CD74: variants seen among roughly 807,000 people sequenced by gnomAD.
CD74 encodes the protein CD74 molecule.
CD74 carries 20 observed loss-of-function variants against 37.1 expected under a neutral mutation model. That is an observed-to-expected ratio of 0.54 (90% confidence interval 0.38 to 0.78). The LOEUF is 0.78. Among genes scored for constraint, CD74 ranks in the 30% least tolerant of loss-of-function variants. CD74 has a pLI of 0.00. For synonymous variants in CD74, 150 were observed against 152.0 expected (o/e 0.99, Z 0.10); for missense variants, 338 against 389.5 (o/e 0.87, Z 1.11).
chr5:150,411,092 C>T lies in CD74; in HGVS notation c.125+1533G>A, dbSNP rs187867153. On this transcript the variant is annotated intron_variant, in intron 1 of 8. Coordinates refer to ENST00000009530, the MANE Select transcript of CD74 (RefSeq NM_001025159.3). Reference sequence around the variant, plus strand: ...TGGGTAAGTCACTTACCAATATGACCTCAATTTCCTCTTCTGTAAAAAGGG... The same window carrying T: ...TGGGTAAGTCACTTACCAATATGACTTCAATTTCCTCTTCTGTAAAAAGGG... Among the ~76,000 whole-genome samples, 6 of 152,316 alleles carry T rather than the reference C, an allele frequency of 3.9e-5. No homozygotes were observed. The East Asian group carries it at 9.6e-4, about 24-fold the overall frequency.
chr5:150,407,223 C>G lies in CD74; in HGVS notation c.227G>C (p.Gly76Ala). The G allele has an allele frequency of 6.2e-7, 1 of 1,613,940 alleles. No homozygotes were observed. The highest frequency in any genetic ancestry group is 1.1e-5 in the South Asian group (1 of 91,060). Residue 76 changes from glycine to alanine, a missense_variant, in exon 2 of 9, where the codon GGC becomes GCC. By Grantham distance (60) the Gly-to-Ala change is moderately conservative (BLOSUM62 0). Transcript: ENST00000009530. This position sits in a 1 kb window ranked among gnomAD's most constrained non-coding sequence, Gnocchi z 4.4. ...TTAYFLYQQQ[G>A]RLDKLTVTSQ... ...GGTGACTGTCAGTTTGTCCAGCCGG[C>G]CCTGCTGCTGGTACAGGAAGTAGGC...
rs774859865 is a variant in CD74 at position 150,402,483 on chromosome 5, T to G, written c.880+80A>C. ...GTTGGAGAGTGGCCCAGCGTCACAC[T>G]CCTTCACCTGCCCACAAAGGAGCTG... On this transcript the variant is annotated intron_variant, in intron 8 of 8. Transcript: ENST00000009530. The surrounding 1 kb of genome is among the most constrained non-coding windows in gnomAD (Gnocchi z 4.2). 5.7e-6 allele frequency: 7 copies of G among 1,235,524 alleles called. No individual in the cohort carries two copies. The highest frequency in any genetic ancestry group is 8.4e-6 in the Non-Finnish European group (7 of 834,306). The allele number at this position is 1,235,524 out of a possible 1,614,324, so 76.5% of individuals were successfully genotyped here.
At chr5:150,404,208 ACT>A (rs1769808708) in intron 6 of CD74, among the ~76,000 whole-genome samples, 1 of 152,124 alleles carries the variant, frequency 6.6e-6, no homozygotes, top group Non-Finnish European at 1.5e-5. Context: ...TAGAAACAGC[ACT>A]CTGTCTTTGG....
intron 4 of CD74, chr5:150,406,023 G>C (rs1769939944): frequency 2.4e-6 from 1 of 410,454 alleles, no homozygotes; most frequent in Non-Finnish European, 4.6e-6. Context: ...TGCCTGCCTA[G>C]GCCTCCCAAA....
At position 150,403,179 on chromosome 5, in the gene CD74, GAC is replaced by G; in HGVS notation, c.757_758del (p.Val253LeufsTer17). On this transcript the variant is annotated frameshift_variant, in exon 7 of 9. Transcript: ENST00000009530. LOFTEE classifies it high-confidence loss of function. This position sits in a 1 kb window ranked among gnomAD's most constrained non-coding sequence, Gnocchi z 4.5. ...CYGSIGYCWC[V>X]FPNGTEVPNT... ...TGGGGACCTCCGTGCCGTTGGGGAAGACACACCAGCAGTAGCCGATGCTCCCA... is the reference window on the plus strand; with the variant it reads ...TGGGGACCTCCGTGCCGTTGGGGAAGACACCAGCAGTAGCCGATGCTCCCA... The G allele has an allele frequency of 6.2e-7, 1 of 1,614,056 alleles. No homozygotes were observed. The highest frequency in any genetic ancestry group is 8.5e-7 in the Non-Finnish European group (1 of 1,179,898).
intron 1 of CD74, among the ~76,000 whole-genome samples, chr5:150,408,656 T>TG (rs1414874956): frequency 2.0e-5 from 3 of 152,100 alleles, no homozygotes; most frequent in Admixed American, 6.5e-5. Context: ...TGGATGCGAC[T>TG]GGGGGGTGCA....
In CD74 at chr5:150,405,112, CTTAA is replaced by C; in HGVS notation, c.506_509del (p.Leu169ArgfsTer7). On this transcript the variant is annotated frameshift_variant, in exon 5 of 9. Coordinates refer to ENST00000009530, the MANE Select transcript of CD74 (RefSeq NM_001025159.3). LOFTEE classifies it high-confidence loss of function. ...TCCAGTCTATGGTCTCCATGGTGTTCTTAAGGTGTCTCAGGTTCTCCGGGAAGCT... is the reference window on the plus strand; with the variant it reads ...TCCAGTCTATGGTCTCCATGGTGTTCGGTGTCTCAGGTTCTCCGGGAAGCT... 1 of 1,611,694 alleles carries C rather than the reference CTTAA, an allele frequency of 6.2e-7. No individual in the cohort carries two copies.
rs1769644958 is a variant in CD74 at position 150,402,023 on chromosome 5, GT to G, written c.*216del. On this transcript the variant is annotated 3_prime_UTR_variant, in exon 9 of 9. Transcript: ENST00000009530. This position sits in a 1 kb window ranked among gnomAD's most constrained non-coding sequence, Gnocchi z 4.2. ...CCACTTCCTGGGACCTCACGCCCCT[GT>G]TGACAGATGGAGATTGGGCAGCAGG... The G allele has an allele frequency of 6.5e-7, 1 of 1,535,394 alleles. No individual in the cohort carries two copies. Among genetic ancestry groups the G allele is most frequent in the East Asian group, 2.4e-5 (1 of 40,912 alleles).
At chr5:150,405,032 T>G in intron 5 of CD74, 53 bp downstream of exon 5, 6 of 936,816 alleles carry the variant, frequency 6.4e-6, no homozygotes, top group Non-Finnish European at 8.1e-6. Flanking sequence ...CTCCTAGCCC[T>G]GCCCTAGACA....
At chr5:150,405,546 CA>C (rs1769906424) in intron 4 of CD74, 1 of 441,950 alleles carries the variant, frequency 2.3e-6, no homozygotes, top group East Asian at 1.1e-4. Flanking sequence ...TCTTTCTTCA[CA>C]AAGCCCCCTG....
At chr5:150,405,327 G>A in intron 4 of CD74, 147 bp from the exon 5 acceptor site, 2 of 1,363,612 alleles carry the variant, frequency 1.5e-6, no homozygotes, top group East Asian at 2.9e-5. Context: ...CAGCCATGAT[G>A]GGAGGGGAGG....
At position 150,403,731 on chromosome 5, in the gene CD74, T is replaced by G. The variant is rs1254548026; in HGVS notation, c.626-419A>C. Among the ~76,000 whole-genome samples the G allele has an allele frequency of 6.6e-6, 1 of 152,186 alleles. No homozygotes were observed. The highest frequency in any genetic ancestry group is 1.5e-5 in the Non-Finnish European group (1 of 68,034). On this transcript the variant is annotated intron_variant, in intron 6 of 8. Coordinates refer to ENST00000009530, the MANE Select transcript of CD74 (RefSeq NM_001025159.3). The surrounding 1 kb of genome is among the most constrained non-coding windows in gnomAD (Gnocchi z 4.5). Reference sequence around the variant, plus strand: ...AAAATTAGCTGGGCGTGGTGGCACATGCCTATAATCCCAGCTACTCGGGAG... The same window carrying G: ...AAAATTAGCTGGGCGTGGTGGCACAGGCCTATAATCCCAGCTACTCGGGAG...
At chr5:150,409,701 TAAC>T (rs1770216289) in intron 1 of CD74, among the ~76,000 whole-genome samples, 1 of 20,968 alleles carries the variant, frequency 4.8e-5, no homozygotes, top group Non-Finnish European at 1.1e-4. Flanking sequence ...TCAAAAAACA[TAAC>T]AAAAAAAAAA....
rs17111145 is a variant in CD74, at chr5:150,402,002, T to C, written c.*238A>G. 8,465 of 1,518,692 alleles carry C rather than the reference T, an allele frequency of 5.6e-3. 434 individuals are homozygous for C. In the African/African-American group the frequency reaches 0.1, roughly 18 times the overall value. 94.1% of individuals were successfully genotyped at this position (1,518,692 alleles called of 1,614,324 possible). A position where few individuals can be genotyped will look rare whatever the true frequency, so the allele number is the denominator to read the frequency against. ...GGGGATCTGTCTAGCTTTTGGCCAC[T>C]TCCTGGGACCTCACGCCCCTGTTGA... On this transcript the variant is annotated 3_prime_UTR_variant, in exon 9 of 9. Coordinates refer to ENST00000009530, the MANE Select transcript of CD74 (RefSeq NM_001025159.3). This position sits in a 1 kb window ranked among gnomAD's most constrained non-coding sequence, Gnocchi z 4.2.
In CD74 at chr5:150,405,203, G is replaced by C. The variant is rs764644581; in HGVS notation, c.442-23C>G. On this transcript the variant is annotated intron_variant, in intron 4 of 8. Transcript: ENST00000009530. ...ATTCTACAGGGTAGCAGGGCAGGAA[G>C]GATGGTTCAAGAAGAGCTCCCTGGC... The C allele has an allele frequency of 4.5e-6, 7 of 1,564,218 alleles. No individual in the cohort carries two copies. In the South Asian group the frequency reaches 8.3e-5, roughly 19 times the overall value.
In CD74 at chr5:150,407,049, C is replaced by A; in HGVS notation, c.299-89G>T. 3 of 1,541,934 alleles carry A rather than the reference C, an allele frequency of 1.9e-6. No homozygotes were observed. Among genetic ancestry groups the A allele is most frequent in the Non-Finnish European group, 2.7e-6 (3 of 1,128,412 alleles). On this transcript the variant is annotated intron_variant, in intron 2 of 8. Transcript: ENST00000009530. This position sits in a 1 kb window ranked among gnomAD's most constrained non-coding sequence, Gnocchi z 4.4. ...GATGAGGAAGGGCTGGAATTCCAAA[C>A]CGGAGGGAGAGGACAGTGGGCCCAG... is the stretch of plus-strand genomic sequence containing the variant.
At position 150,407,264 on chromosome 5, in the gene CD74, A is replaced by G. The variant is rs1770027005; in HGVS notation, c.186T>C (p.Ala62=). 1 of 1,613,434 alleles carries G rather than the reference A, an allele frequency of 6.2e-7. No homozygotes were observed. Among genetic ancestry groups the G allele is most frequent in the African/African-American group, 1.3e-5 (1 of 74,994 alleles). Residue 62 remains alanine, a synonymous_variant, in exon 2 of 9, where the codon GCT becomes GCC. Transcript: ENST00000009530. The surrounding 1 kb of genome is among the most constrained non-coding windows in gnomAD (Gnocchi z 4.4). The part of the protein sequence containing the change: ...GFSILVTLLL[A]GQATTAYFLY... Reference sequence around the variant, plus strand: ...GGAAGTAGGCGGTGGTGGCCTGGCCAGCGAGGAGCAGAGTCACCAGGATGG... The same window carrying G: ...GGAAGTAGGCGGTGGTGGCCTGGCCGGCGAGGAGCAGAGTCACCAGGATGG...
intron 1 of CD74, among the ~76,000 whole-genome samples, chr5:150,412,245 G>A (rs1166341693): frequency 6.6e-6 from 1 of 152,202 alleles, no homozygotes; most frequent in African/African-American, 2.4e-5. Flanking sequence ...GATTACAGGC[G>A]GGAGCCACCA....
chr5:150,402,403 T>A lies in CD74; in HGVS notation c.881-153A>T. On this transcript the variant is annotated intron_variant, in intron 8 of 8. Coordinates refer to ENST00000009530, the MANE Select transcript of CD74 (RefSeq NM_001025159.3). This position sits in a 1 kb window ranked among gnomAD's most constrained non-coding sequence, Gnocchi z 4.2. ...AATGACCATCATGGATTTGTGTAAC[T>A]CCCCACAGCCCCCCAACCCTGTTCC... 2 of 889,064 alleles carry A rather than the reference T, an allele frequency of 2.2e-6. No individual in the cohort carries two copies. Among genetic ancestry groups the A allele is most frequent in the Non-Finnish European group, 3.7e-6 (2 of 533,566 alleles). The allele number at this position is 889,064 out of a possible 1,614,324, so 55.1% of individuals were successfully genotyped here.
Sources: gnomAD v4.1 joint callset for allele counts (sites outside exome capture counted in the v4.1 genomes callset) on GRCh38, gnomAD v4.1.1 for gene constraint, Gnocchi (gnomAD v3.1) non-coding constraint, MANE v1.5 for transcripts, NCBI Gene and HGNC (gene_info 2026-07-23, HGNC 2026-07-21) for gene names.